Variants in PDSS1 observed in about 807,000 individuals in gnomAD.
PDSS1 encodes all trans-polyprenyl-diphosphate synthase PDSS1.
A neutral mutation model predicts 57.5 loss-of-function variants in PDSS1; 43 were observed. The observed-to-expected ratio is 0.75, with a 90% CI of 0.59 to 0.96. The LOEUF is 0.96. Among genes scored for constraint, PDSS1 ranks in the 50% least tolerant of loss-of-function variants. The pLI is 0.00. For missense variants in PDSS1, 438 were observed against 527.8 expected, an observed-to-expected ratio of 0.83 and a Z score of 1.67; for synonymous variants, 175 against 191.3, an observed-to-expected ratio of 0.91 and a Z score of 0.70.
chr10:26,716,418 G>A (rs1014293138), intron 5 of PDSS1, among the ~76,000 whole-genome samples: 4 of 151,942 alleles, frequency 2.6e-5, no homozygotes, highest in South Asian at 2.1e-4. Flanking sequence ...TTTTTTGGCC[G>A]GGTGCGGTGG....
chr10:26,713,624 A>G (rs920392904), intron 5 of PDSS1, among the ~76,000 whole-genome samples: 1 of 152,130 alleles, frequency 6.6e-6, no homozygotes, highest in African/African-American at 2.4e-5. Context: ...AGGGCCCTGA[A>G]AAGCTCAGGA....
intron 8 of PDSS1, among the ~76,000 whole-genome samples, chr10:26,730,949 T>C (rs189112373): frequency 7.4e-4 from 112 of 152,204 alleles, no homozygotes; most frequent in Middle Eastern, 3.4e-3. Context: ...AGGGCTGGGC[T>C]TGTAATCCCA....
Position 26,740,918 on chromosome 10 carries a change from GTATTGTAGAA to G in PDSS1, c.1027-1575_1027-1566del, listed in dbSNP as rs771354304. 101 of 264,010 alleles carry G rather than the reference GTATTGTAGAA, an allele frequency of 3.8e-4. 1 individual carries two copies. The highest frequency in any genetic ancestry group is 7.3e-4 in the Non-Finnish European group (93 of 127,578). 16.4% of individuals were successfully genotyped at this position (264,010 alleles called of 1,614,324 possible). On this transcript the variant is annotated intron_variant, in intron 10 of 11. Transcript: ENST00000376215. ...GGTGACACTTCTAAATAGTTGCTAA[GTATTGTAGAA>G]TATCGATTTTACCTTCAGTTCCTTT...
In PDSS1 at chr10:26,739,875, G is replaced by A. The variant is rs577805511; in HGVS notation, c.1027-2622G>A. Among the ~76,000 whole-genome samples, 211 of 152,260 alleles carry A rather than the reference G, an allele frequency of 1.4e-3. 1 individual carries two copies. The highest frequency in any genetic ancestry group is 9.8e-3 in the South Asian group (47 of 4,820). Reference sequence around the variant, plus strand: ...AAATTGGCCAGGCACGGTGGCTCACGCCTGTAATCCCACTTTGGGAGGCAC... The same window carrying A: ...AAATTGGCCAGGCACGGTGGCTCACACCTGTAATCCCACTTTGGGAGGCAC... On this transcript the variant is annotated intron_variant, in intron 10 of 11. Coordinates refer to ENST00000376215, the MANE Select transcript of PDSS1 (RefSeq NM_014317.5).
chr10:26,723,940 T>C, intron 7 of PDSS1, 23 bp downstream of exon 7: 1 of 1,590,100 alleles, frequency 6.3e-7, no homozygotes, highest in Non-Finnish European at 8.6e-7. Flanking sequence ...TGATTTTTCT[T>C]CTTTGTTATT....
At chr10:26,709,828 G>C in intron 5 of PDSS1, 60 bp downstream of exon 5, 6 of 1,530,240 alleles carry the variant, frequency 3.9e-6, no homozygotes, top group Non-Finnish European at 5.4e-6. Flanking sequence ...TCTTCCCGGG[G>C]TTACTTACTG....
chr10:26,713,123 T>C lies in PDSS1; in HGVS notation c.467+3355T>C, dbSNP rs1308913111. Among the ~76,000 whole-genome samples, 2 of 96,204 alleles carry C rather than the reference T, an allele frequency of 2.1e-5. 1 individual carries two copies. The highest frequency in any genetic ancestry group is 6.8e-5 in the African/African-American group (2 of 29,464). 63.1% of individuals were successfully genotyped at this position (96,204 alleles called of 152,430 possible). The stretch of plus-strand genomic sequence containing the variant: ...CTGGCTAACACGGTGAAACCCTGTC[T>C]CTACTAAAAATACAAAAAATTAGCT... On this transcript the variant is annotated intron_variant, in intron 5 of 11. Transcript: ENST00000376215.
At chr10:26,700,342 G>A (rs1835008823) in intron 1 of PDSS1, among the ~76,000 whole-genome samples, 2 of 146,102 alleles carry the variant, frequency 1.4e-5, no homozygotes, top group African/African-American at 2.5e-5. Flanking sequence ...GGTGGCTCAC[G>A]CCTGTAATCC....
intron 6 of PDSS1, 149 bp downstream of exon 6, chr10:26,720,508 C>A: frequency 1.5e-6 from 1 of 658,554 alleles, no homozygotes; most frequent in Non-Finnish European, 2.7e-6. Context: ...ATGTCTTGTC[C>A]AAATACAGAT....
At chr10:26,742,314 G>A (rs1057083462) in intron 10 of PDSS1, among the ~76,000 whole-genome samples, 183 bp from the exon 11 acceptor site, 12 of 152,230 alleles carry the variant, frequency 7.9e-5, no homozygotes, top group African/African-American at 4.8e-5. Context: ...AGGCATAGAC[G>A]GTGGATGTCT....
intron 1 of PDSS1, among the ~76,000 whole-genome samples, chr10:26,700,736 CTG>C (rs1414430156): frequency 6.6e-6 from 1 of 152,174 alleles, no homozygotes; most frequent in Non-Finnish European, 1.5e-5. Context: ...CCATTCAGAA[CTG>C]TGAGTCAATT....
chr10:26,735,095 T>C (rs563159527), intron 8 of PDSS1, 145 bp from the exon 9 acceptor site: 4 of 726,404 alleles, frequency 5.5e-6, no homozygotes, highest in South Asian at 2.9e-5. Flanking sequence ...TTGTACATGC[T>C]TGGTGTCCCT....
intron 6 of PDSS1, among the ~76,000 whole-genome samples, chr10:26,722,274 T>G (rs1381849611): frequency 6.6e-6 from 1 of 152,210 alleles, no homozygotes; most frequent in Non-Finnish European, 1.5e-5. Context: ...AATATGTATA[T>G]TATATAAAGT....
intron 8 of PDSS1, among the ~76,000 whole-genome samples, chr10:26,728,244 C>G (rs539432902): frequency 9.2e-5 from 14 of 152,270 alleles, no homozygotes; most frequent in African/African-American, 3.4e-4. Context: ...GTAATCTCAG[C>G]ACTTTGGGAG....
At chr10:26,705,470 C>A in intron 4 of PDSS1, 76 bp downstream of exon 4, 1 of 606,320 alleles carries the variant, frequency 1.6e-6, no homozygotes, top group Non-Finnish European at 2.8e-6. Context: ...ATTTTTTATT[C>A]TTATAATTAT....
intron 10 of PDSS1, among the ~76,000 whole-genome samples, chr10:26,737,660 G>A (rs1458365914): frequency 6.8e-6 from 1 of 147,296 alleles, no homozygotes; most frequent in African/African-American, 2.5e-5. Context: ...GAACCTGGGA[G>A]GCAGAGGTTG....
rs1418899721 is a variant in PDSS1 at position 26,713,040 on chromosome 10, C to T, written c.467+3272C>T. On this transcript the variant is annotated intron_variant, in intron 5 of 11. Transcript: ENST00000376215. ...GGGCACAGTGGCTCACGCCTGTAAT[C>T]CCAGCACTTTGGGAGGCTGAGGCAG... 2.1e-5 allele frequency among the ~76,000 whole-genome samples: 2 copies of T among 95,160 alleles called. 1 individual carries two copies. The highest frequency in any genetic ancestry group is 6.9e-5 in the African/African-American group (2 of 29,066). 62.4% of individuals were successfully genotyped at this position (95,160 alleles called of 152,430 possible). A position where few individuals can be genotyped will look rare whatever the true frequency, so the allele number is the denominator to read the frequency against.
At chr10:26,720,459 C>G in intron 6 of PDSS1, 100 bp downstream of exon 6, 3 of 833,266 alleles carry the variant, frequency 3.6e-6, no homozygotes. Flanking sequence ...TATGCTTGCT[C>G]AAATGTAATG....
intron 8 of PDSS1, among the ~76,000 whole-genome samples, chr10:26,730,772 C>A (rs1483461918): frequency 6.6e-6 from 1 of 152,162 alleles, no homozygotes; most frequent in African/African-American, 2.4e-5. Flanking sequence ...TTTCGTTTAG[C>A]ACAAACAGGC....
Sources: allele counts gnomAD v4.1 joint callset (sites outside exome capture counted in the v4.1 genomes callset), GRCh38; gene constraint gnomAD v4.1.1; transcripts MANE v1.5; gene names NCBI Gene and HGNC (gene_info 2026-07-23, HGNC 2026-07-21).